The following ASL variants were observed in gnomAD, a reference collection of about 807,000 sequenced individuals.
ASL encodes argininosuccinase.
A neutral mutation model predicts 69.1 loss-of-function variants in ASL; 51 were observed. The ratio of observed to expected loss-of-function variants is 0.74; its 90% CI spans 0.59 to 0.93. ASL has a LOEUF of 0.93. Ranked by LOEUF, ASL falls within the 40% of genes least tolerant of loss-of-function variation. The probability of loss-of-function intolerance (pLI) is 0.00; values close to 1 mark genes in which losing one functional copy is unlikely to be tolerated. For synonymous variants in ASL, 241 were observed against 247.6 expected (o/e 0.97, Z 0.25); for missense variants, 540 against 623.9 (o/e 0.87, Z 1.43).
intron 10 of ASL, among the ~76,000 whole-genome samples, 169 bp from the exon 11 acceptor site, chr7:66,088,638 C>G (rs1445875961): frequency 6.6e-6 from 1 of 152,174 alleles, no homozygotes; most frequent in African/African-American, 2.4e-5. Flanking sequence ...AGAAGGATTG[C>G]TTGAGCCCAC....
At chr7:66,078,861 C>A (rs1463209305) in intron 2 of ASL, among the ~76,000 whole-genome samples, 1 of 152,002 alleles carries the variant, frequency 6.6e-6, no homozygotes, top group Non-Finnish European at 1.5e-5. Flanking sequence ...TCTCGAACTC[C>A]TGACCTCAAG....
intron 3 of ASL, 86 bp from the exon 4 acceptor site, chr7:66,082,282 C>G: frequency 7.2e-7 from 1 of 1,384,658 alleles, no homozygotes; most frequent in Non-Finnish European, 1.0e-6. Flanking sequence ...AGTCAGTCAC[C>G]AGGGATAGGG....
Position 66,082,387 on chromosome 7 carries a change from A to T in ASL, c.227A>T (p.Gln76Leu). Residue 76 changes from glutamine to leucine, a missense_variant, in exon 4 of 17, where the codon CAG becomes CTG. Gln to Leu is a moderately radical substitution (Grantham distance 113). Coordinates refer to ENST00000304874, the MANE Select transcript of ASL (RefSeq NM_000048.4). ...GLDKVAEEWAQGTFKLNSNDE... is the reference protein window; with the variant it reads ...GLDKVAEEWALGTFKLNSNDE... ...CTACAGGTGGCTGAGGAGTGGGCCCAGGGCACCTTCAAACTGAACTCCAAT... is the reference window on the plus strand; with the variant it reads ...CTACAGGTGGCTGAGGAGTGGGCCCTGGGCACCTTCAAACTGAACTCCAAT... 1 of 1,612,570 alleles carries T rather than the reference A, an allele frequency of 6.2e-7. No individual in the cohort carries two copies. The highest frequency in any genetic ancestry group is 8.5e-7 in the Non-Finnish European group (1 of 1,179,636).
chr7:66,076,117 G>A (rs1388570902), intron 2 of ASL, 24 bp downstream of exon 2: 3 of 1,586,484 alleles, frequency 1.9e-6, no homozygotes, highest in Non-Finnish European at 1.7e-6. Flanking sequence ...CGGGGACTCC[G>A]GTCCTCCTAG....
chr7:66,092,690 G>T, intron 16 of ASL, 27 bp downstream of exon 16: 2 of 1,613,498 alleles, frequency 1.2e-6, no homozygotes, highest in Middle Eastern at 1.6e-4. Flanking sequence ...TCCCCATGCT[G>T]CCTCCTAGGA....
intron 13 of ASL, 22 bp from the exon 14 acceptor site, chr7:66,089,590 C>T (rs1786784893): frequency 6.2e-7 from 1 of 1,612,948 alleles, no homozygotes; most frequent in African/African-American, 1.3e-5. Flanking sequence ...TAGGCCCTCA[C>T]CTCCTGCCAT....
Position 66,092,090 on chromosome 7 carries a change from A to C in ASL, c.1143+4A>C. On this transcript the variant is annotated splice_donor_region_variant and intron_variant, in intron 15 of 16. Coordinates refer to ENST00000304874, the MANE Select transcript of ASL (RefSeq NM_000048.4). ...CTATTACCTGGTCCGCAAAGGGGTA[A>C]GTGTGTAGCAGCCAGGGGGAGGGTG... 6.2e-7 allele frequency: 1 copy of C among 1,610,748 alleles called. No homozygotes were observed. Among genetic ancestry groups the C allele is most frequent in the Non-Finnish European group, 8.5e-7 (1 of 1,179,960 alleles).
In ASL at chr7:66,093,550, T is replaced by TA. The variant is rs999392008; in HGVS notation, c.*646dup. On this transcript the variant is annotated 3_prime_UTR_variant, in exon 17 of 17. Transcript: ENST00000304874. ...AACAGGAAGACTCCAACTACCATAT[T>TA]AAAAAAAACATGAATGAAAGCAAAA... is the stretch of plus-strand genomic sequence containing the variant. 80 of 155,602 alleles carry TA rather than the reference T, an allele frequency of 5.1e-4. No individual in the cohort carries two copies. Among genetic ancestry groups the TA allele is most frequent in the African/African-American group, 1.4e-3 (57 of 41,370 alleles). The allele number at this position is 155,602 out of a possible 1,614,324, so 9.6% of individuals were successfully genotyped here. A position where few individuals can be genotyped will look rare whatever the true frequency, so the allele number is the denominator to read the frequency against.
chr7:66,078,374 G>A lies in ASL; in HGVS notation c.12+2281G>A, dbSNP rs545756202. On this transcript the variant is annotated intron_variant, in intron 2 of 16. Coordinates refer to ENST00000304874, the MANE Select transcript of ASL (RefSeq NM_000048.4). ...TGCAGGGCAGAGTCCTTTGGCAGTC[G>A]GGACTGTTGGGCATAGAGGAGTCAG... is the stretch of plus-strand genomic sequence containing the variant. 4.6e-5 allele frequency among the ~76,000 whole-genome samples: 7 copies of A among 152,204 alleles called. No individual in the cohort carries two copies. In the South Asian group the frequency reaches 1.0e-3, roughly 23 times the overall value.
At chr7:66,078,255 C>G (rs1222390209) in intron 2 of ASL, among the ~76,000 whole-genome samples, 5 of 152,072 alleles carry the variant, frequency 3.3e-5, no homozygotes, top group Admixed American at 2.6e-4. Flanking sequence ...CAGGGCCCCA[C>G]GTGGTGCTTT....
chr7:66,086,473 G>A, intron 6 of ASL, 112 bp from the exon 7 acceptor site: 1 of 1,104,498 alleles, frequency 9.1e-7, no homozygotes, highest in Non-Finnish European at 1.3e-6. Flanking sequence ...TTCAGGTGGA[G>A]TGCTGCAGCG....
chr7:66,085,132 G>A (rs1490938701), intron 6 of ASL, among the ~76,000 whole-genome samples: 1 of 152,028 alleles, frequency 6.6e-6, no homozygotes, highest in East Asian at 1.9e-4. Flanking sequence ...ACAGTAAAGT[G>A]TAAACTTTAA....
intron 6 of ASL, among the ~76,000 whole-genome samples, chr7:66,084,623 G>C (rs899636453): frequency 1.9e-4 from 29 of 151,820 alleles, no homozygotes; most frequent in African/African-American, 6.8e-4. Flanking sequence ...AGGACCACAG[G>C]TGTGCACCAC....
intron 7 of ASL, 23 bp from the exon 8 acceptor site, chr7:66,086,721 C>G: frequency 8.7e-6 from 14 of 1,610,058 alleles, no homozygotes; most frequent in Non-Finnish European, 1.2e-5. Context: ...TGCCCTGACC[C>G]TCCTGCCCCT....
At chr7:66,079,818 C>T (rs1786449139) in intron 2 of ASL, among the ~76,000 whole-genome samples, 1 of 152,040 alleles carries the variant, frequency 6.6e-6, no homozygotes, top group Non-Finnish European at 1.5e-5. Context: ...CCAGGTTTCA[C>T]CATGTTGACC....
Position 66,082,419 on chromosome 7 carries a change from G to T in ASL, c.259G>T (p.Asp87Tyr). 1 of 1,612,142 alleles carries T rather than the reference G, an allele frequency of 6.2e-7. No individual in the cohort carries two copies. ...GTFKLNSNDEDIHTANERRLK... is the reference protein window; with the variant it reads ...GTFKLNSNDEYIHTANERRLK... ...CTTCAAACTGAACTCCAATGATGAG[G>T]ACATCCACACAGCCAATGAGCGCCG... The change falls in exon 4 of 17, where the codon GAC becomes TAC. Residue 87 changes from aspartate (D) to tyrosine (Y), a missense_variant. Transcript: ENST00000304874.
At chr7:66,082,095 G>T in intron 3 of ASL, 98 bp downstream of exon 3, 1 of 1,434,684 alleles carries the variant, frequency 7.0e-7, no homozygotes, top group Non-Finnish European at 9.6e-7. Context: ...GCCCATCTGT[G>T]GTTTCACATT....
At position 66,092,099 on chromosome 7, in the gene ASL, C is replaced by T; in HGVS notation, c.1143+13C>T. 1 of 1,609,724 alleles carries T rather than the reference C, an allele frequency of 6.2e-7. No homozygotes were observed. The highest frequency in any genetic ancestry group is 8.5e-7 in the Non-Finnish European group (1 of 1,179,926). ...GGTCCGCAAAGGGGTAAGTGTGTAG[C>T]AGCCAGGGGGAGGGTGAGGAGATGG... On this transcript the variant is annotated intron_variant, in intron 15 of 16. Coordinates refer to ENST00000304874, the MANE Select transcript of ASL (RefSeq NM_000048.4).
chr7:66,085,408 G>C (rs1446305400), intron 6 of ASL, among the ~76,000 whole-genome samples: 1 of 151,990 alleles, frequency 6.6e-6, no homozygotes, highest in Admixed American at 6.6e-5. Context: ...GGAGGTGGAG[G>C]TTGTAGTGAG....
Sources: allele counts gnomAD v4.1 joint callset (sites outside exome capture counted in the v4.1 genomes callset), GRCh38; gene constraint gnomAD v4.1.1; transcripts MANE v1.5; gene names NCBI Gene and HGNC (gene_info 2026-07-23, HGNC 2026-07-21).